Variants in TAF1B observed in about 807,000 individuals in gnomAD.
TAF1B encodes the protein TATA-box binding protein associated factor, RNA polymerase I subunit B, also known as TATA box-binding protein-associated factor RNA polymerase I subunit B.
TAF1B carries 61 observed loss-of-function variants against 83.9 expected under a neutral mutation model. The ratio of observed to expected loss-of-function variants is 0.73; its 90% confidence interval spans 0.59 to 0.90. The LOEUF (loss-of-function observed/expected upper bound fraction) is 0.90. Among genes scored for constraint, TAF1B ranks in the 40% least tolerant of loss-of-function variants. TAF1B has a pLI of 0.00. For missense variants in TAF1B, 625 were observed against 677.0 expected, an observed-to-expected ratio of 0.92 and a Z score of 0.85; for synonymous variants, 221 against 224.6, an observed-to-expected ratio of 0.98 and a Z score of 0.14.
Position 9,910,900 on chromosome 2 carries a change from GAC to G in TAF1B, c.1122_1123del (p.Asp374GlufsTer8). 1 of 1,610,278 alleles carries G rather than the reference GAC, an allele frequency of 6.2e-7. No individual in the cohort carries two copies. Among genetic ancestry groups the G allele is most frequent in the Non-Finnish European group, 8.5e-7 (1 of 1,178,276 alleles). On this transcript the variant is annotated frameshift_variant, in exon 10 of 15. Transcript: ENST00000263663. LOFTEE classifies it high-confidence loss of function. ...ATTGAAACTGCTCTTTCTATTGGAT[GAC>G]AGTTTCGAGTGGTAAGTGTACGTCA... is the stretch of plus-strand genomic sequence containing the variant. ...VVLKLLFLLD[D>X]SFEWSLSNLA...
intron 8 of TAF1B, among the ~76,000 whole-genome samples, chr2:9,903,376 T>C (rs4669486): frequency 0.18 from 27,336 of 152,046 alleles, 3,102 homozygotes; most frequent in East Asian, 0.31. Context: ...TGGGCCACCG[T>C]ACCCTGGCCA....
intron 14 of TAF1B, among the ~76,000 whole-genome samples, chr2:9,932,830 G>T (rs540864546): frequency 6.6e-6 from 1 of 151,936 alleles, no homozygotes. Flanking sequence ...GGCTCTGCCC[G>T]GTTTGAGCTT....
intron 12 of TAF1B, among the ~76,000 whole-genome samples, chr2:9,916,184 GA>G (rs1308423201): frequency 6.6e-6 from 1 of 152,202 alleles, no homozygotes; most frequent in Non-Finnish European, 1.5e-5. Flanking sequence ...GAACTACACT[GA>G]AAAGAGTAAA....
chr2:9,886,910 C>A (rs1282639562), intron 8 of TAF1B, among the ~76,000 whole-genome samples: 10 of 152,088 alleles, frequency 6.6e-5, no homozygotes, highest in South Asian at 2.1e-4. Context: ...ACTAAAAATA[C>A]AAAAATTAGC....
intron 7 of TAF1B, among the ~76,000 whole-genome samples, chr2:9,881,145 C>G (rs1193501808): frequency 6.6e-6 from 1 of 152,054 alleles, no homozygotes; most frequent in Non-Finnish European, 1.5e-5. Flanking sequence ...AACAGCCTGG[C>G]CAACATGGTG....
chr2:9,887,482 A>G (rs1049890675), intron 8 of TAF1B, among the ~76,000 whole-genome samples: 2 of 152,064 alleles, frequency 1.3e-5, no homozygotes, highest in Non-Finnish European at 2.9e-5. Flanking sequence ...CTCCTTTATC[A>G]TTATCTAATG....
rs760215354 is a variant in TAF1B at position 9,919,121 on chromosome 2, A to G, written c.1342+10A>G. 5 of 1,613,168 alleles carry G rather than the reference A, an allele frequency of 3.1e-6. No individual in the cohort carries two copies. The Admixed American group carries it at 8.3e-5, about 27-fold the overall frequency. ...GCATATAAAAAAAGAGGTAAGTCAA[A>G]TTTTGTCTTTTTAATACCAAGTAGC... On this transcript the variant is annotated intron_variant, in intron 13 of 14. Transcript: ENST00000263663.
In TAF1B at chr2:9,918,023, G is replaced by A. The variant is rs557663843; in HGVS notation, c.1272-1018G>A. On this transcript the variant is annotated intron_variant, in intron 12 of 14. Transcript: ENST00000263663. ...GGAGGCGGAGCTTGCAGTGAGCCGAGATCCCACCACTGCACTCCAGCCTGG... is the reference window on the plus strand; with the variant it reads ...GGAGGCGGAGCTTGCAGTGAGCCGAAATCCCACCACTGCACTCCAGCCTGG... Among the ~76,000 whole-genome samples, 314 of 149,098 alleles carry A rather than the reference G, an allele frequency of 2.1e-3. 2 individuals are homozygous for A. The highest frequency in any genetic ancestry group is 5.3e-3 in the African/African-American group (213 of 40,490).
chr2:9,843,451 T>TTGCGGCCGGAAGGCTTC, upstream of TAF1B: 1 of 1,320,358 alleles, frequency 7.6e-7, no homozygotes, highest in African/African-American at 3.6e-5. Flanking sequence ...GATCTCGCGT[T>TTGCGGCCGGAAGGCTTC]TCCGGCCGGA....
intron 7 of TAF1B, among the ~76,000 whole-genome samples, chr2:9,878,800 G>A (rs1476275743): frequency 6.6e-6 from 1 of 152,118 alleles, no homozygotes; most frequent in African/African-American, 2.4e-5. Flanking sequence ...ACATACATAT[G>A]GTTGGTGCAA....
Position 9,910,855 on chromosome 2 carries a change from G to A in TAF1B, c.1075G>A (p.Val359Ile). The A allele has an allele frequency of 6.2e-7, 1 of 1,613,528 alleles. No homozygotes were observed. The highest frequency in any genetic ancestry group is 2.2e-5 in the East Asian group (1 of 44,850). ...AACTGTTAAGTACGATGTACAAGCT[G>A]TAGCTATCATTGTGGTGGTATTGAA... Reference protein sequence around the residue: ...AKTVKYDVQAVAIIVVVLKLL... With the variant: ...AKTVKYDVQAIAIIVVVLKLL... Residue 359 changes from valine (V) to isoleucine (I), a missense_variant, in exon 10 of 15, where the codon GTA becomes ATA. Transcript: ENST00000263663.
At chr2:9,854,490 C>T (rs1663495796) in intron 5 of TAF1B, 69 bp downstream of exon 5, 3 of 1,142,950 alleles carry the variant, frequency 2.6e-6, no homozygotes, top group Non-Finnish European at 3.9e-6. Flanking sequence ...AAGATGGGTT[C>T]ATGACCAGTT....
chr2:9,843,877 T>G, intron 1 of TAF1B: 2 of 184,696 alleles, frequency 1.1e-5, no homozygotes, highest in East Asian at 1.3e-4. Context: ...TCCTCGAGAC[T>G]GGACCACCCA....
At chr2:9,929,142 T>TTGTTGTTGTTGTTG (rs1553295011) in intron 14 of TAF1B, among the ~76,000 whole-genome samples, 1 of 150,914 alleles carries the variant, frequency 6.6e-6, no homozygotes, top group South Asian at 2.1e-4. Context: ...ATTGGTTCTG[T>TTGTTGTTGTTGTTG]TTGTTGTTGT....
chr2:9,888,789 G>GGGTTTTTTTTTTT (rs1558251672), intron 8 of TAF1B, among the ~76,000 whole-genome samples: 1 of 41,320 alleles, frequency 2.4e-5, no homozygotes, highest in Non-Finnish European at 5.6e-5. Context: ...TCTTCTGCTT[G>GGGTTTTTTTTTTT]GTTTTTTTTT....
chr2:9,882,028 G>T (rs1294929411), intron 7 of TAF1B, among the ~76,000 whole-genome samples: 1 of 152,072 alleles, frequency 6.6e-6, no homozygotes, highest in Admixed American at 6.5e-5. Flanking sequence ...CCTATCATGC[G>T]AGGGGAGCTA....
chr2:9,871,143 G>A (rs1332363677), intron 6 of TAF1B, among the ~76,000 whole-genome samples: 2 of 151,904 alleles, frequency 1.3e-5, no homozygotes, highest in East Asian at 3.9e-4. Flanking sequence ...GCAGTGGCAC[G>A]ATCTTGGCTC....
At chr2:9,897,320 A>G (rs1182485770) in intron 8 of TAF1B, among the ~76,000 whole-genome samples, 2 of 152,190 alleles carry the variant, frequency 1.3e-5, no homozygotes, top group Non-Finnish European at 2.9e-5. Flanking sequence ...TTTTAAACCT[A>G]CAGATCAGTT....
chr2:9,914,406 T>C lies in TAF1B; in HGVS notation c.1271+1157T>C, dbSNP rs2125174950. ...AAGAATAGCAGCAGGAACAAGATTT[T>C]GTTATGTGTCTTAGGTCATTTTGGA... On this transcript the variant is annotated intron_variant, in intron 12 of 14. Transcript: ENST00000263663. The surrounding 1 kb of genome is among the most constrained non-coding windows in gnomAD (Gnocchi z 4.3). Among the ~76,000 whole-genome samples, 4 of 152,212 alleles carry C rather than the reference T, an allele frequency of 2.6e-5. No homozygotes were observed. In the Middle Eastern group the frequency reaches 0.014, roughly 518 times the overall value.
Sources: gnomAD v4.1 joint callset for allele counts (sites outside exome capture counted in the v4.1 genomes callset) on GRCh38, gnomAD v4.1.1 for gene constraint, Gnocchi (gnomAD v3.1) non-coding constraint, MANE v1.5 for transcripts, NCBI Gene and HGNC (gene_info 2026-07-23, HGNC 2026-07-21) for gene names.